DCAF10: variants seen among roughly 807,000 people sequenced by gnomAD.
The protein encoded by DCAF10 is DDB1 and CUL4 associated factor 10.
DCAF10 carries 19 observed loss-of-function variants against 51.9 expected under a neutral mutation model. The observed-to-expected ratio is 0.37, with a 90% confidence interval of 0.26 to 0.54. The LOEUF (loss-of-function observed/expected upper bound fraction) is 0.54, where lower values mean the gene tolerates loss of function less well. Among genes scored for constraint, DCAF10 ranks in the 20% least tolerant of loss-of-function variants. The pLI is 0.87. For missense variants in DCAF10, 510 were observed against 730.6 expected, an observed-to-expected ratio of 0.70 and a Z score of 3.48; for synonymous variants, 291 against 297.1, an observed-to-expected ratio of 0.98 and a Z score of 0.21.
intron 3 of DCAF10, among the ~76,000 whole-genome samples, chr9:37,844,812 C>G (rs1175277915): frequency 1.3e-5 from 2 of 149,630 alleles, no homozygotes. Flanking sequence ...GAGATTCTGT[C>G]TCAAAAAAGA....
Position 37,862,153 on chromosome 9 carries a change from G to A in DCAF10, c.*645G>A. 6.6e-6 allele frequency: 1 copy of A among 152,546 alleles called. No individual in the cohort carries two copies. Among genetic ancestry groups the A allele is most frequent in the Non-Finnish European group, 1.5e-5 (1 of 68,008 alleles). 9.4% of individuals were successfully genotyped at this position (152,546 alleles called of 1,614,324 possible). A position where few individuals can be genotyped will look rare whatever the true frequency, so the allele number is the denominator to read the frequency against. Reference sequence around the variant, plus strand: ...TTATAAAAAGATTTTCATGGTGAGAGGGATTTTATTGTGAAATTCTAGAAA... The same window carrying A: ...TTATAAAAAGATTTTCATGGTGAGAAGGATTTTATTGTGAAATTCTAGAAA... On this transcript the variant is annotated 3_prime_UTR_variant, in exon 7 of 7. Coordinates refer to ENST00000377724, the MANE Select transcript of DCAF10 (RefSeq NM_024345.5).
intron 1 of DCAF10, among the ~76,000 whole-genome samples, chr9:37,803,213 T>A (rs966494): frequency 6.6e-6 from 1 of 152,012 alleles, no homozygotes; most frequent in Non-Finnish European, 1.5e-5. Flanking sequence ...ACCTAAACAT[T>A]GCTTATGATC....
intron 6 of DCAF10, 136 bp downstream of exon 6, chr9:37,860,329 T>C: frequency 9.0e-7 from 1 of 1,106,670 alleles, no homozygotes; most frequent in East Asian, 2.5e-5. Context: ...GCTTCTCGAC[T>C]CTCCTGTTTC....
intron 1 of DCAF10, among the ~76,000 whole-genome samples, chr9:37,810,402 T>C (rs1829300948): frequency 6.6e-6 from 1 of 152,138 alleles, no homozygotes. Flanking sequence ...GAGAGACATC[T>C]GTCAATCTCA....
chr9:37,823,524 A>G (rs967374743), intron 2 of DCAF10, among the ~76,000 whole-genome samples: 9 of 152,192 alleles, frequency 5.9e-5, no homozygotes, highest in Admixed American at 5.9e-4. Flanking sequence ...GGAAACTGTT[A>G]ATCCAGACTA....
chr9:37,840,619 G>A (rs1000204844), intron 2 of DCAF10, among the ~76,000 whole-genome samples: 1 of 152,152 alleles, frequency 6.6e-6, no homozygotes, highest in Admixed American at 6.5e-5. Flanking sequence ...AAAAATTCAT[G>A]AAGTAAAAAA....
intron 1 of DCAF10, among the ~76,000 whole-genome samples, chr9:37,817,387 T>C (rs1829573021): frequency 6.6e-6 from 1 of 152,094 alleles, no homozygotes; most frequent in Admixed American, 6.6e-5. Context: ...GGAGGATCAC[T>C]TGAGGTTTGA....
At chr9:37,819,737 T>A (rs1829648513) in intron 2 of DCAF10, among the ~76,000 whole-genome samples, 1 of 152,194 alleles carries the variant, frequency 6.6e-6, no homozygotes. Flanking sequence ...GGCAGTCCCA[T>A]TGCTTAGCAC....
At chr9:37,806,046 T>C (rs971950035) in intron 1 of DCAF10, among the ~76,000 whole-genome samples, 1 of 152,156 alleles carries the variant, frequency 6.6e-6, no homozygotes, top group Non-Finnish European at 1.5e-5. Flanking sequence ...ATTGTGCCAC[T>C]GCACTCCAGC....
At chr9:37,859,352 T>C (rs1292558033) in intron 5 of DCAF10, among the ~76,000 whole-genome samples, 1 of 152,168 alleles carries the variant, frequency 6.6e-6, no homozygotes, top group Non-Finnish European at 1.5e-5. Context: ...GAAAGTGGTT[T>C]TTCACGCACC....
At chr9:37,832,217 G>A (rs1472568644) in intron 2 of DCAF10, 1 of 151,624 alleles carries the variant, frequency 6.6e-6, no homozygotes, top group Non-Finnish European at 1.5e-5. Flanking sequence ...CAGTACCTTG[G>A]GACGCCGAGG....
chr9:37,804,315 T>A (rs1019467774), intron 1 of DCAF10, among the ~76,000 whole-genome samples: 4 of 151,786 alleles, frequency 2.6e-5, no homozygotes, highest in Non-Finnish European at 2.9e-5. Context: ...TATAAGCATA[T>A]CATATGGTGT....
At chr9:37,826,226 A>G (rs1564032648) in intron 2 of DCAF10, among the ~76,000 whole-genome samples, 1 of 152,218 alleles carries the variant, frequency 6.6e-6, no homozygotes, top group Non-Finnish European at 1.5e-5. Context: ...CCCAGTAGAA[A>G]AATGAGCAAA....
chr9:37,818,531 A>G (rs925580465), intron 1 of DCAF10, among the ~76,000 whole-genome samples: 14 of 152,248 alleles, frequency 9.2e-5, no homozygotes, highest in African/African-American at 3.4e-4. Context: ...AATCAAAACA[A>G]GGTTTGTAAA....
intron 1 of DCAF10, among the ~76,000 whole-genome samples, chr9:37,818,680 A>C (rs1423357443): frequency 1.3e-5 from 2 of 152,168 alleles, no homozygotes; most frequent in Non-Finnish European, 2.9e-5. Flanking sequence ...TTTCCAGTAC[A>C]TTTTATTGAC....
chr9:37,861,462 C>G lies in DCAF10; in HGVS notation c.1634C>G (p.Ser545Ter). Residue 545 changes from serine (S) to a stop codon, truncating the protein, a stop_gained, in exon 7 of 7, where the codon TCA becomes TGA. Coordinates refer to ENST00000377724, the MANE Select transcript of DCAF10 (RefSeq NM_024345.5). LOFTEE classifies it high-confidence loss of function. The surrounding 1 kb of genome is among the most constrained non-coding windows in gnomAD (Gnocchi z 4.9). Reference protein sequence around the residue: ...KFSPTHCQIASGCLSGRVSLY... With the variant: ...KFSPTHCQIA ...TCTCCAACACATTGTCAGATTGCCT[C>G]AGGGTGCCTTAGTGGACGGGTTTCT... The G allele has an allele frequency of 6.2e-7, 1 of 1,613,854 alleles. No individual in the cohort carries two copies.
At chr9:37,832,540 T>C (rs1830038830) in intron 2 of DCAF10, among the ~76,000 whole-genome samples, 1 of 152,258 alleles carries the variant, frequency 6.6e-6, no homozygotes, top group Non-Finnish European at 1.5e-5. Flanking sequence ...GGCGTGCTGC[T>C]GATTGTTAAA....
intron 2 of DCAF10, among the ~76,000 whole-genome samples, chr9:37,837,564 CTGTT>C (rs1370769356): frequency 1.3e-5 from 2 of 151,748 alleles, no homozygotes; most frequent in East Asian, 1.9e-4. Context: ...AAATGTCACT[CTGTT>C]TGTTAGGAGA....
At position 37,829,316 on chromosome 9, in the gene DCAF10, T is replaced by A. The variant is rs1366188328; in HGVS notation, c.653+9915T>A. ...TTAGCCGGGCATGGTCGTGCATGCC[T>A]GTAATCCCAGCTACTCGGGAGGCTG... On this transcript the variant is annotated intron_variant, in intron 2 of 6. Coordinates refer to ENST00000377724, the MANE Select transcript of DCAF10 (RefSeq NM_024345.5). The surrounding 1 kb of genome is among the most constrained non-coding windows in gnomAD (Gnocchi z 4.2). Among the ~76,000 whole-genome samples the A allele has an allele frequency of 2.0e-5, 3 of 152,152 alleles. No homozygotes were observed. Among genetic ancestry groups the A allele is most frequent in the Admixed American group, 1.3e-4 (2 of 15,270 alleles).
Sources: allele counts gnomAD v4.1 joint callset (sites outside exome capture counted in the v4.1 genomes callset), GRCh38; gene constraint gnomAD v4.1.1; non-coding constraint Gnocchi (gnomAD v3.1); transcripts MANE v1.5; gene names NCBI Gene and HGNC (gene_info 2026-07-23, HGNC 2026-07-21).